Variants in A2M observed in about 807,000 individuals in gnomAD.
A2M encodes the protein alpha-2-macroglobulin.
A2M carries 128 observed loss-of-function variants against 183.9 expected under a neutral mutation model. The observed-to-expected ratio is 0.70, with a 90% CI of 0.60 to 0.81. The LOEUF (loss-of-function observed/expected upper bound fraction) is 0.81, where lower values mean the gene tolerates loss of function less well. A2M is among the 30% of genes least tolerant of loss of function. A2M has a pLI of 0.00. For synonymous variants in A2M, 592 were observed against 670.8 expected (o/e 0.88, Z 1.81); for missense variants, 1,495 against 1,787.6 (o/e 0.84, Z 2.95).
chr12:9,074,318 G>C (rs1270735507), intron 29 of A2M, among the ~76,000 whole-genome samples: 1 of 152,132 alleles, frequency 6.6e-6, no homozygotes, highest in Non-Finnish European at 1.5e-5. Context: ...AGGCAGTGTT[G>C]TTATGGGAAA....
At chr12:9,095,801 G>A (rs1159811332) in intron 15 of A2M, 101 bp from the exon 16 acceptor site, 13 of 1,007,102 alleles carry the variant, frequency 1.3e-5, no homozygotes, top group African/African-American at 1.9e-5. Flanking sequence ...CGCCCAGGCC[G>A]GACCGCGGAC....
chr12:9,102,431 G>A (rs1021348778), intron 11 of A2M, among the ~76,000 whole-genome samples: 2 of 152,026 alleles, frequency 1.3e-5, no homozygotes, highest in East Asian at 1.9e-4. Flanking sequence ...GCCTAGGCTC[G>A]TCTCGATCTC....
chr12:9,093,503 G>T lies in A2M; in HGVS notation c.2202C>A (p.Tyr734Ter). ...AATCCCAGATCCATGTCTCAGGGAA[G>T]TACTTTCGTACGGTCTCCGTGTGAG... Reference protein sequence around the residue: ...EEPHTETVRKYFPETWIWDLV... With the variant: ...EEPHTETVRK The change falls in exon 18 of 36, where the codon TAC becomes TAA. Residue 734 changes from tyrosine (Y) to a stop codon, truncating the protein, a stop_gained. Transcript: ENST00000318602. LOFTEE classifies it high-confidence loss of function. 1 of 1,613,928 alleles carries T rather than the reference G, an allele frequency of 6.2e-7. No individual in the cohort carries two copies. Among genetic ancestry groups the T allele is most frequent in the African/African-American group, 1.3e-5 (1 of 75,038 alleles).
chr12:9,074,480 TCTTGGATGTG>T, intron 29 of A2M, 70 bp downstream of exon 29: 1 of 1,349,502 alleles, frequency 7.4e-7, no homozygotes, highest in Admixed American at 2.2e-5. Flanking sequence ...ATTTTTTTCT[TCTTGGATGTG>T]TTTGTTTCTT....
At chr12:9,091,090 G>C (rs1949198037) in intron 19 of A2M, 111 bp downstream of exon 19, 3 of 1,292,596 alleles carry the variant, frequency 2.3e-6, no homozygotes, top group Admixed American at 4.8e-5. Flanking sequence ...TTACAATCAT[G>C]AATATCTAGT....
intron 11 of A2M, among the ~76,000 whole-genome samples, chr12:9,102,207 G>A (rs1937919521): frequency 6.6e-6 from 1 of 152,094 alleles, no homozygotes; most frequent in African/African-American, 2.4e-5. Context: ...GCTATCTTAG[G>A]CTGATTGCTA....
chr12:9,070,011 T>G (rs144604030), intron 32 of A2M, among the ~76,000 whole-genome samples, 198 bp from the exon 33 acceptor site: 1 of 152,346 alleles, frequency 6.6e-6, no homozygotes, highest in African/African-American at 2.4e-5. Flanking sequence ...ACGACTAATG[T>G]GTAAAGTTAT....
Position 9,090,398 on chromosome 12 carries a change from C to T in A2M, c.2554G>A (p.Gly852Arg), listed in dbSNP as rs758349995. 11 of 1,613,862 alleles carry T rather than the reference C, an allele frequency of 6.8e-6. No homozygotes were observed. The highest frequency in any genetic ancestry group is 4.4e-5 in the South Asian group (4 of 91,074). Residue 852 changes from glycine to arginine, a missense_variant, in exon 20 of 36, where the codon GGG becomes AGG. Coordinates refer to ENST00000318602, the MANE Select transcript of A2M (RefSeq NM_000014.6). ...EQAPHCICANGRQTVSWAVTP... is the reference protein window; with the variant it reads ...EQAPHCICANRRQTVSWAVTP... ...ACTGCCCAGGACACAGTTTGCCGCCCGTTTGCACAGATGCAGTGAGGCGCT... is the reference window on the plus strand; with the variant it reads ...ACTGCCCAGGACACAGTTTGCCGCCTGTTTGCACAGATGCAGTGAGGCGCT...
chr12:9,116,135 G>T, upstream of A2M: 1 of 396,628 alleles, frequency 2.5e-6, no homozygotes, highest in East Asian at 5.8e-5. Flanking sequence ...CACTTTTACC[G>T]TACAGCAGCT....
In A2M at chr12:9,091,370, G is replaced by A; in HGVS notation, c.2300C>T (p.Ala767Val). The A allele has an allele frequency of 6.2e-7, 1 of 1,614,206 alleles. No homozygotes were observed. The highest frequency in any genetic ancestry group is 8.5e-7 in the Non-Finnish European group (1 of 1,180,050). The change falls in exon 19 of 36, where the codon GCA becomes GTA. Residue 767 changes from alanine to valine, a missense_variant. Coordinates refer to ENST00000318602, the MANE Select transcript of A2M (RefSeq NM_000014.6). Reference sequence around the variant, plus strand: ...ATCTTCAGACAGGCAGAAGGCCCCTGCCTTCCACTCGGTGATGGTGTCAGG... The same window carrying A: ...ATCTTCAGACAGGCAGAAGGCCCCTACCTTCCACTCGGTGATGGTGTCAGG... ...TVPDTITEWK[A>V]GAFCLSEDAG...
At chr12:9,082,799 A>C (rs1209662063) in intron 22 of A2M, among the ~76,000 whole-genome samples, 1 of 152,276 alleles carries the variant, frequency 6.6e-6, no homozygotes, top group Non-Finnish European at 1.5e-5. Context: ...ATACAAAATT[A>C]AATGAAATTT....
intron 29 of A2M, among the ~76,000 whole-genome samples, chr12:9,073,136 A>C (rs1294412114): frequency 2.6e-5 from 4 of 152,218 alleles, no homozygotes; most frequent in Non-Finnish European, 5.9e-5. Context: ...TATATGTGGG[A>C]CATGGAATGT....
rs1167618121 is a variant in A2M at position 9,074,583 on chromosome 12, G to C, written c.3733C>G (p.Gln1245Glu). The C allele has an allele frequency of 6.2e-7, 1 of 1,612,550 alleles. No homozygotes were observed. The highest frequency in any genetic ancestry group is 8.5e-7 in the Non-Finnish European group (1 of 1,179,344). ...ACCTGGGTGGAGGAGAAACCGCCCT[G>C]GGCATTCTGCTGCTTCGTGATCCAC... ...VKWITKQQNA[Q>E]GGFSSTQDTV... The change falls in exon 29 of 36, where the codon CAG becomes GAG. Residue 1245 changes from glutamine (Q) to glutamate (E), a missense_variant. Transcript: ENST00000318602.
At chr12:9,071,167 T>G (rs980798155) in intron 31 of A2M, among the ~76,000 whole-genome samples, 2 of 152,194 alleles carry the variant, frequency 1.3e-5, no homozygotes, top group Admixed American at 1.3e-4. Context: ...ACAGGCTGTT[T>G]GTGACCTCTA....
chr12:9,095,149 C>A, intron 16 of A2M, 65 bp from the exon 17 acceptor site: 1 of 821,332 alleles, frequency 1.2e-6, no homozygotes, highest in Non-Finnish European at 1.8e-6. Flanking sequence ...GTAGCTACTT[C>A]TTTTTATTGA....
At chr12:9,100,471 G>A (rs1937744095) in intron 13 of A2M, among the ~76,000 whole-genome samples, 3 of 151,200 alleles carry the variant, frequency 2.0e-5, no homozygotes, top group African/African-American at 7.3e-5. Flanking sequence ...TAGAGATGGG[G>A]TCTCACTATG....
At chr12:9,071,877 GTTT>G (rs201348080) in intron 31 of A2M, among the ~76,000 whole-genome samples, 1 of 152,136 alleles carries the variant, frequency 6.6e-6, no homozygotes, top group African/African-American at 2.4e-5. Context: ...TGGAGAGAGA[GTTT>G]TTTATCAGAT....
intron 15 of A2M, among the ~76,000 whole-genome samples, chr12:9,097,632 CT>C (rs34844537): frequency 0.29 from 36,608 of 126,846 alleles, 4,409 homozygotes; most frequent in South Asian, 0.34. Flanking sequence ...TGATGTAATT[CT>C]TTTTTTTTTT....
chr12:9,084,634 C>G (rs892949536), intron 22 of A2M, among the ~76,000 whole-genome samples: 1 of 151,980 alleles, frequency 6.6e-6, no homozygotes, highest in Non-Finnish European at 1.5e-5. Context: ...AGAAGCAAAA[C>G]AACCAGAAAA....
Sources: gnomAD v4.1 joint callset for allele counts (sites outside exome capture counted in the v4.1 genomes callset) on GRCh38, gnomAD v4.1.1 for gene constraint, MANE v1.5 for transcripts, NCBI Gene and HGNC (gene_info 2026-07-23, HGNC 2026-07-21) for gene names.